The following RARB variants were observed in gnomAD, a reference collection of about 807,000 sequenced individuals.
RARB encodes the protein HBV-activated protein.
RARB carries 17 observed loss-of-function variants against 51.9 expected under a neutral mutation model. The observed-to-expected ratio is 0.33, with a 90% CI of 0.22 to 0.49. The LOEUF is 0.49. RARB is among the 20% of genes least tolerant of loss of function. The pLI, the probability that RARB is intolerant of heterozygous loss-of-function variation, is 0.99. For missense variants in RARB, 369 were observed against 550.8 expected (o/e 0.67, Z 3.30); for synonymous variants, 215 against 195.4 (o/e 1.10, Z -0.84).
rs1323627995 is a variant in RARB, at chr3:25,313,264, A to C, written c.178+138689A>C. On this transcript the variant is annotated intron_variant, in intron 5 of 11. Coordinates refer to the RARB transcript ENST00000383772. The stretch of plus-strand genomic sequence containing the variant: ...TACTCCAATCAAATGTAGATAAACC[A>C]GACTTAGAATTAAGAGTTAGTGACC... 2.0e-5 allele frequency among the ~76,000 whole-genome samples: 3 copies of C among 152,356 alleles called. No individual in the cohort carries two copies. In the East Asian group the frequency reaches 5.8e-4, roughly 29 times the overall value.
chr3:25,045,427 G>C (rs995170800), intron 2 of RARB, among the ~76,000 whole-genome samples: 8 of 152,278 alleles, frequency 5.3e-5, no homozygotes, highest in African/African-American at 1.7e-4. Context: ...AGAGGTTTAA[G>C]TAAATGGACA....
intron 2 of RARB, among the ~76,000 whole-genome samples, chr3:24,869,433 T>A (rs1355466527): frequency 6.6e-6 from 1 of 152,150 alleles, no homozygotes; most frequent in African/African-American, 2.4e-5. Context: ...AACACTTATT[T>A]TCTTTTGATT....
intron 1 of RARB, among the ~76,000 whole-genome samples, chr3:24,840,893 A>AAAGAAAC (rs1356374713): frequency 6.6e-6 from 1 of 152,130 alleles, no homozygotes; most frequent in Admixed American, 6.6e-5. Context: ...GCTAAAAACA[A>AAAGAAAC]AAGAAACACA....
intron 3 of RARB, among the ~76,000 whole-genome samples, chr3:25,061,242 G>C (rs565330277): frequency 6.6e-6 from 1 of 151,786 alleles, no homozygotes; most frequent in African/African-American, 2.4e-5. Flanking sequence ...CATTTCCTTC[G>C]TTATTATTTT....
At chr3:25,143,768 T>A (rs1575180171) in intron 4 of RARB, among the ~76,000 whole-genome samples, 2 of 152,344 alleles carry the variant, frequency 1.3e-5, no homozygotes, top group Admixed American at 1.3e-4. Flanking sequence ...CCCTTGGAGT[T>A]ACGTGACTTG....
chr3:24,970,710 C>T (rs1199637937), intron 2 of RARB, among the ~76,000 whole-genome samples: 1 of 151,826 alleles, frequency 6.6e-6, no homozygotes, highest in Non-Finnish European at 1.5e-5. Context: ...AAAAATACAG[C>T]ATTGTGTAAA....
chr3:25,580,393 G>A (rs1397634761), intron 4 of RARB, among the ~76,000 whole-genome samples, 153 bp from the exon 5 acceptor site: 2 of 152,168 alleles, frequency 1.3e-5, no homozygotes, highest in East Asian at 3.9e-4. Flanking sequence ...AAAAAAGGAT[G>A]AATCCAGGCT....
intron 2 of RARB, among the ~76,000 whole-genome samples, chr3:24,979,488 G>A (rs1282794181): frequency 2.0e-5 from 3 of 152,110 alleles, no homozygotes; most frequent in Admixed American, 6.5e-5. Context: ...TTACCATTAT[G>A]TAATAGTCTT....
chr3:25,520,273 A>C (rs1698347868), intron 3 of RARB, among the ~76,000 whole-genome samples: 1 of 152,206 alleles, frequency 6.6e-6, no homozygotes, highest in Admixed American at 6.5e-5. Flanking sequence ...CGCCAAATAT[A>C]TGTGCAATTT....
intron 3 of RARB, among the ~76,000 whole-genome samples, chr3:25,546,049 A>T (rs933073931): frequency 6.6e-6 from 1 of 151,674 alleles, no homozygotes; most frequent in Non-Finnish European, 1.5e-5. Flanking sequence ...GGGAGGGGAG[A>T]AGGGGAGAGA....
chr3:24,923,071 C>A (rs1695251503), intron 2 of RARB, among the ~76,000 whole-genome samples: 2 of 152,220 alleles, frequency 1.3e-5, no homozygotes, highest in East Asian at 3.9e-4. Flanking sequence ...GACACACAAA[C>A]AATAGAAATA....
At chr3:25,446,802 C>CAAAAAAAAA (rs5847356) in intron 1 of RARB, among the ~76,000 whole-genome samples, 8 of 69,098 alleles carry the variant, frequency 1.2e-4, no homozygotes, top group African/African-American at 3.9e-4. Context: ...GACTCCGTCT[C>CAAAAAAAAA]AAAAAAAAAA....
chr3:24,863,919 G>C (rs958236482), intron 2 of RARB, among the ~76,000 whole-genome samples: 20 of 151,934 alleles, frequency 1.3e-4, no homozygotes, highest in African/African-American at 4.8e-4. Context: ...ACCTTCTCCT[G>C]TTCAAGGCCC....
rs1700641084 is a variant in RARB, at chr3:25,171,360, G to T, written c.-279-2759G>T. ...CTGCTTCCAGGAATAGCCTTAATCAGTCACATATGTGAACATAGACCCAGT... is the reference window on the plus strand; with the variant it reads ...CTGCTTCCAGGAATAGCCTTAATCATTCACATATGTGAACATAGACCCAGT... On this transcript the variant is annotated intron_variant, in intron 4 of 11. Transcript: ENST00000383772. 3.3e-5 allele frequency among the ~76,000 whole-genome samples: 5 copies of T among 150,252 alleles called. 1 individual carries two copies. The South Asian group carries it at 1.0e-3, about 32-fold the overall frequency.
chr3:25,394,121 A>T lies in RARB; in HGVS notation c.179-67072A>T, dbSNP rs1480604635. On this transcript the variant is annotated intron_variant, in intron 5 of 11. Coordinates refer to the RARB transcript ENST00000383772. Reference sequence around the variant, plus strand: ...TTGTCACTATTATTCAGTTCAAATAATTTTTAAATTCCCATCTTGATTCCA... The same window carrying T: ...TTGTCACTATTATTCAGTTCAAATATTTTTTAAATTCCCATCTTGATTCCA... Among the ~76,000 whole-genome samples, 3 of 152,052 alleles carry T rather than the reference A, an allele frequency of 2.0e-5. No individual in the cohort carries two copies. The South Asian group carries it at 6.2e-4, about 32-fold the overall frequency.
intron 5 of RARB, among the ~76,000 whole-genome samples, chr3:25,313,355 C>A (rs1413992526): frequency 1.3e-5 from 2 of 152,194 alleles, no homozygotes; most frequent in Non-Finnish European, 2.9e-5. Context: ...ACGGCCCTGG[C>A]AGATGCATCA....
At chr3:25,053,629 C>A (rs1698382082) in intron 2 of RARB, among the ~76,000 whole-genome samples, 1 of 152,110 alleles carries the variant, frequency 6.6e-6, no homozygotes, top group African/African-American at 2.4e-5. Context: ...GGCTTGCAAA[C>A]AAATACAAAG....
At chr3:25,513,565 C>G (rs1251927724) in intron 3 of RARB, among the ~76,000 whole-genome samples, 4 of 152,032 alleles carry the variant, frequency 2.6e-5, no homozygotes, top group Non-Finnish European at 4.4e-5. Flanking sequence ...TTACCCCTTT[C>G]ATGACATGAC....
chr3:24,966,921 C>T (rs1259195520), intron 2 of RARB, among the ~76,000 whole-genome samples: 2 of 152,210 alleles, frequency 1.3e-5, no homozygotes, highest in Admixed American at 1.3e-4. Context: ...CTGAATTCAC[C>T]ATACATTTTC....
Sources: gnomAD v4.1 joint callset for allele counts (sites outside exome capture counted in the v4.1 genomes callset) on GRCh38, gnomAD v4.1.1 for gene constraint, MANE v1.5 for transcripts, NCBI Gene and HGNC (gene_info 2026-07-23, HGNC 2026-07-21) for gene names.